The following CEP89 variants were observed in gnomAD, a reference collection of about 807,000 sequenced individuals.
CEP89 encodes centrosomal protein of 89 kDa.
In CEP89, 95 loss-of-function variants were observed where a neutral mutation model predicts 97.6. The ratio of observed to expected loss-of-function variants is 0.97; its 90% confidence interval spans 0.82 to 1.15. The LOEUF is 1.15. CEP89 is among the 50% of genes most tolerant of loss of function. The pLI, the probability that CEP89 is intolerant of heterozygous loss-of-function variation, is 0.00. For synonymous variants in CEP89, 354 were observed against 349.1 expected, an observed-to-expected ratio of 1.01 and a Z score of -0.16; for missense variants, 869 against 947.7, an observed-to-expected ratio of 0.92 and a Z score of 1.09.
intron 13 of CEP89, among the ~76,000 whole-genome samples, chr19:32,918,011 A>G (rs1230410434): frequency 6.6e-6 from 1 of 152,170 alleles, no homozygotes; most frequent in Non-Finnish European, 1.5e-5. Context: ...TTACAAACCC[A>G]TGGGATGATG....
intron 14 of CEP89, among the ~76,000 whole-genome samples, chr19:32,909,697 G>A (rs944153731): frequency 8.5e-5 from 13 of 152,198 alleles, no homozygotes; most frequent in African/African-American, 3.1e-4. Flanking sequence ...AGATATATTT[G>A]AGGAATCTCT....
intron 14 of CEP89, among the ~76,000 whole-genome samples, chr19:32,910,790 A>C (rs566350051): frequency 2.6e-5 from 4 of 152,246 alleles, no homozygotes; most frequent in African/African-American, 9.6e-5. Context: ...GTCTCATCCC[A>C]CTGGAAACTC....
intron 6 of CEP89, among the ~76,000 whole-genome samples, chr19:32,938,684 CA>C (rs1275793252): frequency 2.0e-5 from 3 of 151,986 alleles, no homozygotes; most frequent in Non-Finnish European, 4.4e-5. Flanking sequence ...TGTGGTGGCT[CA>C]CACCCGTAAT....
intron 3 of CEP89, among the ~76,000 whole-genome samples, chr19:32,957,753 T>C (rs530448354): frequency 6.6e-6 from 1 of 152,224 alleles, no homozygotes; most frequent in Admixed American, 6.5e-5. Flanking sequence ...AAGGTTGCAG[T>C]GAGCCGAGAT....
rs1363589364 is a variant in CEP89, at chr19:32,971,917, G to A, written c.-43C>T. ...AATGGACCGGGGCCTGGACTCATCA[G>A]CAGATCTATCCACAGCCAGGGACCA... is the stretch of plus-strand genomic sequence containing the variant. On this transcript the variant is annotated 5_prime_UTR_variant, in exon 1 of 19. Coordinates refer to ENST00000305768, the MANE Select transcript of CEP89 (RefSeq NM_032816.5). 6.4e-7 allele frequency: 1 copy of A among 1,566,696 alleles called. No individual in the cohort carries two copies. Among genetic ancestry groups the A allele is most frequent in the South Asian group, 1.2e-5 (1 of 85,936 alleles).
chr19:32,880,992 G>A (rs1364707620), intron 18 of CEP89, among the ~76,000 whole-genome samples: 1 of 152,174 alleles, frequency 6.6e-6, no homozygotes, highest in African/African-American at 2.4e-5. Flanking sequence ...GGGTGGGTGG[G>A]AGACCTGCAG....
At position 32,971,870 on chromosome 19, in the gene CEP89, A is replaced by G. The variant is rs746052213; in HGVS notation, c.5T>C (p.Leu2Pro). 6.3e-7 allele frequency: 1 copy of G among 1,590,450 alleles called. No individual in the cohort carries two copies. Residue 2 changes from leucine (L) to proline (P), a missense_variant, in exon 1 of 19, where the codon CTC becomes CCC. Coordinates refer to ENST00000305768, the MANE Select transcript of CEP89 (RefSeq NM_032816.5). M[L>P]LGFRRGRRSH... is the part of the protein sequence containing the mutation. Reference sequence around the variant, plus strand: ...CCTGCGGCCTCTCCGAAATCCCAGGAGCATCCTTGCAGCGCGAGGAGAATG... The same window carrying G: ...CCTGCGGCCTCTCCGAAATCCCAGGGGCATCCTTGCAGCGCGAGGAGAATG...
At position 32,942,410 on chromosome 19, in the gene CEP89, GA is replaced by G. The variant is rs541618497; in HGVS notation, c.596-2526del. Among the ~76,000 whole-genome samples the G allele has an allele frequency of 2.7e-3, 414 of 152,302 alleles. 2 individuals carry two copies. Among genetic ancestry groups the G allele is most frequent in the African/African-American group, 9.6e-3 (400 of 41,568 alleles). The stretch of plus-strand genomic sequence containing the variant: ...AATAAGAAAATTGTTGACAGCTATA[GA>G]AGTGGGGAGATGCATAGGTGGACAA... On this transcript the variant is annotated intron_variant, in intron 5 of 18. Coordinates refer to ENST00000305768, the MANE Select transcript of CEP89 (RefSeq NM_032816.5).
In CEP89 at chr19:32,915,390, C is replaced by T. The variant is rs775600871; in HGVS notation, c.1512G>A (p.Ser504=). ...GAACTTCCACTGCGATTTTGCCATC[C>T]GAGTGTGTTTTGAGTTCTTGGCATT... is the stretch of plus-strand genomic sequence containing the variant. ...RAKCQELKTH[S]DGKIAVEVHK... Residue 504 remains serine (S), a synonymous_variant, in exon 14 of 19, where the codon TCG becomes TCA. Coordinates refer to ENST00000305768, the MANE Select transcript of CEP89 (RefSeq NM_032816.5). The T allele has an allele frequency of 6.5e-5, 105 of 1,613,060 alleles. No individual in the cohort carries two copies. The highest frequency in any genetic ancestry group is 1.7e-4 in the South Asian group (15 of 90,842).
chr19:32,966,239 T>C, intron 2 of CEP89, 121 bp downstream of exon 2: 1 of 444,248 alleles, frequency 2.3e-6, no homozygotes. Flanking sequence ...GTAAACATTT[T>C]GAAGGACATG....
chr19:32,915,654 C>T, intron 13 of CEP89, 137 bp from the exon 14 acceptor site: 1 of 768,590 alleles, frequency 1.3e-6, no homozygotes, highest in Non-Finnish European at 2.0e-6. Context: ...GACGTGGTGG[C>T]TCACACCTGT....
chr19:32,949,293 C>T (rs2404980), intron 4 of CEP89, among the ~76,000 whole-genome samples: 30,223 of 152,068 alleles, frequency 0.2, 3,106 homozygotes, highest in African/African-American at 0.23. Context: ...TGGGACCTGC[C>T]GCTGATGAGG....
chr19:32,905,745 G>C (rs923943005), intron 14 of CEP89, among the ~76,000 whole-genome samples: 1 of 152,150 alleles, frequency 6.6e-6, no homozygotes, highest in African/African-American at 2.4e-5. Flanking sequence ...TTGAGACAGG[G>C]TCTCACTCTG....
chr19:32,925,990 C>T (rs1348662704), intron 11 of CEP89, among the ~76,000 whole-genome samples, 200 bp downstream of exon 11: 2 of 152,114 alleles, frequency 1.3e-5, no homozygotes, highest in Non-Finnish European at 2.9e-5. Context: ...CTGCCAATCA[C>T]TCCCTTACTT....
chr19:32,915,626 T>G lies in CEP89; in HGVS notation c.1385-109A>C, dbSNP rs967654795. 7.6e-6 allele frequency: 8 copies of G among 1,049,678 alleles called. No homozygotes were observed. In the African/African-American group the frequency reaches 1.3e-4, roughly 17 times the overall value. The allele number at this position is 1,049,678 out of a possible 1,614,324, so 65.0% of individuals were successfully genotyped here. A position where few individuals can be genotyped will look rare whatever the true frequency, so the allele number is the denominator to read the frequency against. On this transcript the variant is annotated intron_variant, in intron 13 of 18. Coordinates refer to ENST00000305768, the MANE Select transcript of CEP89 (RefSeq NM_032816.5). The stretch of plus-strand genomic sequence containing the variant: ...GAGTCAGCTGATAAAAATGACCTTT[T>G]AAAGATCTTTTGAGCCAGACGTGGT...
intron 9 of CEP89, among the ~76,000 whole-genome samples, chr19:32,930,977 C>T (rs569376585): frequency 1.9e-4 from 29 of 152,212 alleles, no homozygotes; most frequent in African/African-American, 6.3e-4. Context: ...CCTTGACCTC[C>T]CATGCTCAAG....
intron 2 of CEP89, among the ~76,000 whole-genome samples, chr19:32,961,654 G>C (rs1247021630): frequency 6.6e-6 from 1 of 151,692 alleles, no homozygotes; most frequent in Non-Finnish European, 1.5e-5. Flanking sequence ...TGGTTTTGGG[G>C]CTTTTTTTTG....
intron 5 of CEP89, among the ~76,000 whole-genome samples, chr19:32,943,049 T>A (rs1372155527): frequency 2.6e-5 from 4 of 152,104 alleles, no homozygotes; most frequent in African/African-American, 9.7e-5. Context: ...AGCCTCCAGC[T>A]GCCGGGCTCA....
At chr19:32,925,931 C>A (rs1970348147) in intron 11 of CEP89, among the ~76,000 whole-genome samples, 1 of 152,072 alleles carries the variant, frequency 6.6e-6, no homozygotes, top group Non-Finnish European at 1.5e-5. Flanking sequence ...TGCAGCACTG[C>A]TCTGACCCTC....
Sources: gnomAD v4.1 joint callset for allele counts (sites outside exome capture counted in the v4.1 genomes callset) on GRCh38, gnomAD v4.1.1 for gene constraint, MANE v1.5 for transcripts, NCBI Gene and HGNC (gene_info 2026-07-23, HGNC 2026-07-21) for gene names.